Variants in NRG1 observed in about 807,000 individuals in gnomAD.
NRG1 encodes the protein pro-neuregulin-1, membrane-bound isoform.
A neutral mutation model predicts 63.8 loss-of-function variants in NRG1; 18 were observed. The observed-to-expected ratio is 0.28, with a 90% CI of 0.19 to 0.42. NRG1 has a LOEUF of 0.42. NRG1 is among the 10% of genes least tolerant of loss of function. The pLI is 1.00. For missense variants in NRG1, 762 were observed against 814.7 expected (o/e 0.94, Z 0.79); for synonymous variants, 302 against 301.3 (o/e 1.00, Z -0.02).
chr8:31,930,197 A>G (rs1158965924), intron 1 of NRG1, among the ~76,000 whole-genome samples: 4 of 152,234 alleles, frequency 2.6e-5, no homozygotes, highest in African/African-American at 9.6e-5. Flanking sequence ...ATTACTACTC[A>G]CAGTGTAAGA....
At chr8:31,983,581 T>C (rs1809539044) in intron 1 of NRG1, among the ~76,000 whole-genome samples, 1 of 152,022 alleles carries the variant, frequency 6.6e-6, no homozygotes, top group Non-Finnish European at 1.5e-5. Flanking sequence ...GGGATCTTGC[T>C]ATGTTTCCCA....
intron 1 of NRG1, among the ~76,000 whole-genome samples, chr8:31,797,323 T>C (rs184979937): frequency 1.8e-4 from 28 of 152,288 alleles, no homozygotes; most frequent in Non-Finnish European, 2.1e-4. Flanking sequence ...TTCCTGTGGA[T>C]TTTTTTCTCT....
intron 1 of NRG1, among the ~76,000 whole-genome samples, chr8:31,934,339 A>G (rs184314860): frequency 6.6e-6 from 1 of 151,032 alleles, no homozygotes; most frequent in East Asian, 1.9e-4. Flanking sequence ...GTGTATATAT[A>G]CATATATATG....
At chr8:31,909,413 T>C in intron 1 of NRG1, among the ~76,000 whole-genome samples, 1 of 152,054 alleles carries the variant, frequency 6.6e-6, no homozygotes, top group East Asian at 1.9e-4. Flanking sequence ...TGGCTTAATC[T>C]TCAGAGTTCT....
intron 5 of NRG1, among the ~76,000 whole-genome samples, chr8:32,658,708 T>G (rs1295050940): frequency 1.3e-5 from 2 of 152,216 alleles, no homozygotes; most frequent in South Asian, 2.1e-4. Flanking sequence ...TTCTAGGCTT[T>G]CAGCTACCAG....
chr8:32,609,544 TTCCC>T (rs1244257157), intron 3 of NRG1, among the ~76,000 whole-genome samples: 1 of 143,560 alleles, frequency 7.0e-6, no homozygotes, highest in Non-Finnish European at 1.5e-5. Flanking sequence ...AAGAATTTCC[TTCCC>T]TCCCTCCTTC....
At chr8:32,364,587 G>A (rs955124338) in intron 1 of NRG1, among the ~76,000 whole-genome samples, 3 of 151,388 alleles carry the variant, frequency 2.0e-5, no homozygotes, top group Non-Finnish European at 4.4e-5. Context: ...AACCACCCGG[G>A]TTGTTTTTAA....
chr8:31,926,662 A>G (rs913152366), intron 1 of NRG1, among the ~76,000 whole-genome samples: 2 of 152,180 alleles, frequency 1.3e-5, no homozygotes, highest in African/African-American at 4.8e-5. Flanking sequence ...TTCAGCTCCA[A>G]TATTCTGCAA....
intron 6 of NRG1, among the ~76,000 whole-genome samples, chr8:32,734,040 T>G (rs1164300407): frequency 6.6e-6 from 1 of 152,092 alleles, no homozygotes; most frequent in Non-Finnish European, 1.5e-5. Context: ...GCAGAGGACT[T>G]TGGGTATTGT....
chr8:32,157,730 A>G (rs1477234741), intron 1 of NRG1, among the ~76,000 whole-genome samples: 1 of 150,942 alleles, frequency 6.6e-6, no homozygotes, highest in Non-Finnish European at 1.5e-5. Flanking sequence ...ATATAGAGAG[A>G]ATAAATATGT....
At chr8:31,715,717 T>C (rs1812285945) in intron 1 of NRG1, among the ~76,000 whole-genome samples, 1 of 152,096 alleles carries the variant, frequency 6.6e-6, no homozygotes, top group African/African-American at 2.4e-5. Flanking sequence ...GGTAAGTCAC[T>C]TGGGATTAAA....
rs548733005 is a variant in NRG1 at position 31,741,091 on chromosome 8, A to G, written c.37+101660A>G. Among the ~76,000 whole-genome samples, 5 of 152,194 alleles carry G rather than the reference A, an allele frequency of 3.3e-5. No individual in the cohort carries two copies. The East Asian group carries it at 9.7e-4, about 30-fold the overall frequency. ...AGCAACATGGATGTAGCTGGAGGCC[A>G]TTATTCTAAGCAAATTAACACAAGA... On this transcript the variant is annotated intron_variant, in intron 1 of 10. Coordinates refer to the NRG1 transcript ENST00000519301.
chr8:31,921,427 T>C (rs1833905728), intron 1 of NRG1, among the ~76,000 whole-genome samples: 1 of 151,946 alleles, frequency 6.6e-6, no homozygotes, highest in African/African-American at 2.4e-5. Context: ...GGTAAAACCC[T>C]CAAGGGATAG....
At chr8:32,584,077 T>C (rs1209619932) in intron 1 of NRG1, among the ~76,000 whole-genome samples, 1 of 152,106 alleles carries the variant, frequency 6.6e-6, no homozygotes, top group Admixed American at 6.5e-5. Flanking sequence ...CTCTTTCTTA[T>C]TGGGATTTCT....
intron 1 of NRG1, among the ~76,000 whole-genome samples, chr8:31,872,158 TG>T (rs1414877298): frequency 6.6e-6 from 1 of 152,162 alleles, no homozygotes; most frequent in Non-Finnish European, 1.5e-5. Flanking sequence ...TTAGATGCCG[TG>T]GGGATGGCGA....
chr8:32,378,759 T>TC (rs1809957397), intron 1 of NRG1, among the ~76,000 whole-genome samples: 1 of 148,106 alleles, frequency 6.8e-6, no homozygotes, highest in Non-Finnish European at 1.5e-5. Context: ...CCAAATGCTA[T>TC]CCCTCCCCCG....
chr8:32,704,998 G>T (rs1191350026), intron 5 of NRG1, among the ~76,000 whole-genome samples: 1 of 152,006 alleles, frequency 6.6e-6, no homozygotes, highest in South Asian at 2.1e-4. Flanking sequence ...ATGTAGAGTT[G>T]TTTCTATTGT....
chr8:31,933,916 C>T (rs364902), intron 1 of NRG1, among the ~76,000 whole-genome samples: 136,827 of 152,196 alleles, frequency 0.9, 62,301 homozygotes, highest in African/African-American at 0.97. Context: ...GGCCTCAAAA[C>T]ACCTGTGATG....
chr8:32,445,189 G>T (rs1229621930), intron 1 of NRG1, among the ~76,000 whole-genome samples: 1 of 152,160 alleles, frequency 6.6e-6, no homozygotes. Flanking sequence ...ACACAGCCTT[G>T]TATATCCTCC....
Sources: gnomAD v4.1 joint callset for allele counts (sites outside exome capture counted in the v4.1 genomes callset) on GRCh38, gnomAD v4.1.1 for gene constraint, MANE v1.5 for transcripts, NCBI Gene and HGNC (gene_info 2026-07-23, HGNC 2026-07-21) for gene names.